The following SP3 variants were observed in gnomAD, a reference collection of about 807,000 sequenced individuals.
The protein encoded by SP3 is Sp3 transcription factor.
Under a neutral mutation model 70.3 loss-of-function variants are expected in SP3, and 10 were observed. The ratio of observed to expected loss-of-function variants is 0.14; its 90% CI spans 0.09 to 0.24. The LOEUF is 0.24. Ranked by LOEUF, SP3 falls within the 10% of genes least tolerant of loss-of-function variation. The pLI is 1.00. For missense variants in SP3, 825 were observed against 914.6 expected, an observed-to-expected ratio of 0.90 and a Z score of 1.26; for synonymous variants, 402 against 333.5, an observed-to-expected ratio of 1.21 and a Z score of -2.24.
rs1187900634 is a variant in SP3, at chr2:173,913,054, AG to A, written c.2029+15del. On this transcript the variant is annotated intron_variant, in intron 6 of 6. Transcript: ENST00000310015. ...CTATAATTCATTTTTGTCTGTTAAA[AG>A]TAAGTATTAGTAACCTGTATGTGTT... The A allele has an allele frequency of 5.2e-6, 8 of 1,532,656 alleles. No homozygotes were observed. In the Admixed American group the frequency reaches 1.2e-4, roughly 22 times the overall value. The allele number at this position is 1,532,656 out of a possible 1,614,324, so 94.9% of individuals were successfully genotyped here. A position where few individuals can be genotyped will look rare whatever the true frequency, so the allele number is the denominator to read the frequency against.
Position 173,908,633 on chromosome 2 carries a change from C to T in SP3, c.*1308G>A, listed in dbSNP as rs1218138045. 1 of 152,248 alleles carries T rather than the reference C, an allele frequency of 6.6e-6. No homozygotes were observed. Among genetic ancestry groups the T allele is most frequent in the African/African-American group, 2.4e-5 (1 of 41,370 alleles). The allele number at this position is 152,248 out of a possible 1,614,324, so 9.4% of individuals were successfully genotyped here. Reference sequence around the variant, plus strand: ...AAATTTGAGGTGGTCTTAAGAATAACAAATGAACAGAATTCCAAATTTTTG... The same window carrying T: ...AAATTTGAGGTGGTCTTAAGAATAATAAATGAACAGAATTCCAAATTTTTG... On this transcript the variant is annotated 3_prime_UTR_variant, in exon 7 of 7. Transcript: ENST00000310015.
At position 173,902,802 on chromosome 2, in the gene SP3, G is replaced by C. The variant is rs561025666; in HGVS notation, c.*7139C>G. Among the ~76,000 whole-genome samples the C allele has an allele frequency of 2.0e-5, 3 of 152,090 alleles. No homozygotes were observed. In the East Asian group the frequency reaches 5.8e-4, roughly 29 times the overall value. ...ATAATAAGGATATAAAACCACTCAT[G>C]GTATCATTCTGATAAACATCAAATT... On this transcript the variant is annotated 3_prime_UTR_variant, in exon 7 of 7. Transcript: ENST00000310015.
Position 173,938,900 on chromosome 2 carries a change from G to C in SP3, c.1639+15973C>G, listed in dbSNP as rs141280496. 3.7e-3 allele frequency among the ~76,000 whole-genome samples: 567 copies of C among 152,288 alleles called. 4 individuals are homozygous for C. Among genetic ancestry groups the C allele is most frequent in the African/African-American group, 0.013 (537 of 41,568 alleles). ...ATTCTTAAGGGGGAGATGAAGAACT[G>C]TCCTCCAGGGGACATCTGGCAATGT... On this transcript the variant is annotated intron_variant, in intron 4 of 6. Transcript: ENST00000310015.
Position 173,909,206 on chromosome 2 carries a change from T to A in SP3, c.*735A>T, listed in dbSNP as rs980184128. 1 of 152,602 alleles carries A rather than the reference T, an allele frequency of 6.6e-6. No homozygotes were observed. The highest frequency in any genetic ancestry group is 6.5e-5 in the Admixed American group (1 of 15,280). The allele number at this position is 152,602 out of a possible 1,614,324, so 9.5% of individuals were successfully genotyped here. ...CTTACCACCCAAATGCCTCAACTTA[T>A]ACATTTTAAACTTTTTTAAACATTG... On this transcript the variant is annotated 3_prime_UTR_variant, in exon 7 of 7. Transcript: ENST00000310015.
intron 4 of SP3, among the ~76,000 whole-genome samples, chr2:173,929,855 A>G (rs1393818819): frequency 6.6e-6 from 1 of 152,220 alleles, no homozygotes; most frequent in African/African-American, 2.4e-5. Flanking sequence ...TCAAGCAGTT[A>G]TACTTTATTC....
At chr2:173,920,404 G>C (rs1559092631) in intron 4 of SP3, among the ~76,000 whole-genome samples, 1 of 152,062 alleles carries the variant, frequency 6.6e-6, no homozygotes, top group Non-Finnish European at 1.5e-5. Context: ...AACACGAAGA[G>C]GGAACCCTAA....
chr2:173,937,036 A>G (rs1404752638), intron 4 of SP3, among the ~76,000 whole-genome samples: 1 of 152,190 alleles, frequency 6.6e-6, no homozygotes, highest in Non-Finnish European at 1.5e-5. Context: ...TACTCCATGT[A>G]TCTATCTTAA....
chr2:173,961,815 AT>A (rs1273788311), intron 3 of SP3, among the ~76,000 whole-genome samples: 1 of 152,184 alleles, frequency 6.6e-6, no homozygotes, highest in Non-Finnish European at 1.5e-5. Context: ...CACTGGAAAA[AT>A]AAATTTTTAG....
chr2:173,953,246 C>T (rs149990417), intron 4 of SP3, among the ~76,000 whole-genome samples: 13 of 152,340 alleles, frequency 8.5e-5, no homozygotes, highest in African/African-American at 3.1e-4. Context: ...TATGCTAAGA[C>T]ACAAGCAGTT....
rs1206875775 is a variant in SP3 at position 173,908,612 on chromosome 2, T to C, written c.*1329A>G. 4.6e-5 allele frequency: 7 copies of C among 152,462 alleles called. No homozygotes were observed. The allele number at this position is 152,462 out of a possible 1,614,324, so 9.4% of individuals were successfully genotyped here. On this transcript the variant is annotated 3_prime_UTR_variant, in exon 7 of 7. Coordinates refer to ENST00000310015, the MANE Select transcript of SP3 (RefSeq NM_003111.5). ...ACGTACAATAAGGTAGCCTTTAAAT[T>C]TGAGGTGGTCTTAAGAATAACAAAT...
intron 4 of SP3, among the ~76,000 whole-genome samples, chr2:173,948,768 A>T (rs981482126): frequency 2.5e-5 from 3 of 118,690 alleles, no homozygotes; most frequent in Non-Finnish European, 6.5e-5. Flanking sequence ...ATAAATAATT[A>T]TAAGTCTCAA....
chr2:173,914,763 G>A (rs951487837), intron 5 of SP3: 1 of 152,182 alleles, frequency 6.6e-6, no homozygotes, highest in Non-Finnish European at 1.5e-5. Context: ...TCAAAGAGCT[G>A]AGTTAAGTGA....
At position 173,955,455 on chromosome 2, in the gene SP3, T is replaced by C. The variant is rs145970510; in HGVS notation, c.1057A>G (p.Thr353Ala). 49 of 1,614,070 alleles carry C rather than the reference T, an allele frequency of 3.0e-5. No individual in the cohort carries two copies. The African/African-American group carries it at 4.9e-4, about 16-fold the overall frequency. The change falls in exon 4 of 7, where the codon ACA (threonine) becomes GCA (alanine). Residue 353 changes from threonine to alanine, a missense_variant. Thr to Ala is a moderately conservative substitution (Grantham distance 58). This residue lies in a region of SP3 where 678 missense variants were observed against 651.6 expected (regional missense o/e 1.04). Transcript: ENST00000310015. Reference protein sequence around the residue: ...IDSTGILQQNTNSLTTSSGQV... With the variant: ...IDSTGILQQNANSLTTSSGQV... ...CCACTAGATGTAGTCAAGCTATTTG[T>C]GTTTTGTTGTAATATACCTGTACTA...
chr2:173,923,608 G>A (rs1010711972), intron 4 of SP3, among the ~76,000 whole-genome samples: 1 of 152,014 alleles, frequency 6.6e-6, no homozygotes, highest in African/African-American at 2.4e-5. Flanking sequence ...GCTAACATTA[G>A]ATAAATATGA....
intron 4 of SP3, among the ~76,000 whole-genome samples, chr2:173,945,963 T>TA: frequency 6.6e-6 from 1 of 152,018 alleles, no homozygotes; most frequent in Admixed American, 6.6e-5. Flanking sequence ...CCATCTCTAC[T>TA]AAAAAACACA....
intron 4 of SP3, among the ~76,000 whole-genome samples, chr2:173,938,407 C>T (rs566097001): frequency 2.8e-4 from 39 of 138,336 alleles, no homozygotes; most frequent in African/African-American, 1.0e-3. Flanking sequence ...TGCAGTGAGC[C>T]GAGATAGTGC....
chr2:173,938,333 T>C (rs975719591), intron 4 of SP3, among the ~76,000 whole-genome samples: 2 of 151,636 alleles, frequency 1.3e-5, no homozygotes, highest in African/African-American at 4.8e-5. Flanking sequence ...GGTGGGCGCC[T>C]GTAATCCCAG....
chr2:173,916,929 T>C (rs1453458813), intron 5 of SP3: 2 of 152,060 alleles, frequency 1.3e-5, no homozygotes, highest in Non-Finnish European at 2.9e-5. Context: ...CTATATAGAC[T>C]TGAAAATATG....
Position 173,910,122 on chromosome 2 carries a change from G to A in SP3, c.2165C>T (p.Ala722Val), listed in dbSNP as rs761430393. ...SSTVLASVEA[A>V]RDDTLITAGG... ...TGCAGTAATCAAAGTATCATCTCGC[G>A]CAGCTTCCACAGATGCCAGCACTGT... Residue 722 changes from alanine (A) to valine (V), a missense_variant, in exon 7 of 7, where the codon GCG (alanine) becomes GTG (valine). Coordinates refer to ENST00000310015, the MANE Select transcript of SP3 (RefSeq NM_003111.5). 35 of 1,612,128 alleles carry A rather than the reference G, an allele frequency of 2.2e-5. No individual in the cohort carries two copies. In the South Asian group the frequency reaches 2.6e-4, roughly 12 times the overall value.
Sources: gnomAD v4.1 joint callset for allele counts (sites outside exome capture counted in the v4.1 genomes callset) on GRCh38, gnomAD v4.1.1 for gene constraint, gnomAD v4.1.1 regional missense constraint, MANE v1.5 for transcripts, NCBI Gene and HGNC (gene_info 2026-07-23, HGNC 2026-07-21) for gene names.